Variants in C15orf40 observed in about 807,000 individuals in gnomAD.
C15orf40 encodes the protein UPF0235 protein C15orf40.
C15orf40 carries 9 observed loss-of-function variants against 13.9 expected under a neutral mutation model. The observed-to-expected ratio is 0.65, with a 90% CI of 0.39 to 1.13. The LOEUF (loss-of-function observed/expected upper bound fraction) is 1.13, where lower values mean the gene tolerates loss of function less well. C15orf40 is among the 50% of genes most tolerant of loss of function. The probability of loss-of-function intolerance (pLI) is 0.01; values close to 1 mark genes in which losing one functional copy is unlikely to be tolerated. For missense variants in C15orf40, 225 were observed against 188.5 expected, an observed-to-expected ratio of 1.19 and a Z score of -1.13; for synonymous variants, 95 against 69.2, an observed-to-expected ratio of 1.37 and a Z score of -1.85.
rs536206095 is a variant in C15orf40 at position 83,005,526 on chromosome 15, C to A, written c.*71G>T. 2.0e-5 allele frequency: 27 copies of A among 1,341,350 alleles called. No homozygotes were observed. The highest frequency in any genetic ancestry group is 2.6e-5 in the Non-Finnish European group (26 of 993,844). The allele number at this position is 1,341,350 out of a possible 1,614,324, so 83.1% of individuals were successfully genotyped here. A position where few individuals can be genotyped will look rare whatever the true frequency, so the allele number is the denominator to read the frequency against. On this transcript the variant is annotated 3_prime_UTR_variant, in exon 4 of 4. Transcript: ENST00000304177. ...CTCGAACTCCTGACCTCAGGTGATC[C>A]GCCCACCACGGCCTCCCAAAGTGCT...
chr15:83,008,688 T>G lies in C15orf40; in HGVS notation c.239-13A>C, dbSNP rs769973930. On this transcript the variant is annotated splice_polypyrimidine_tract_variant and intron_variant, in intron 2 of 3. Coordinates refer to ENST00000304177, the MANE Select transcript of C15orf40 (RefSeq NM_144597.3). ...TCTGCTGTCAAATCTGGAATGAAAA[T>G]AGTGTGGACTTTATCCTTAAGGAGT... 6.3e-7 allele frequency: 1 copy of G among 1,591,226 alleles called. No individual in the cohort carries two copies. Among genetic ancestry groups the G allele is most frequent in the Non-Finnish European group, 8.5e-7 (1 of 1,171,388 alleles).
downstream of C15orf40, among the ~76,000 whole-genome samples, chr15:82,989,693 A>G (rs1306759652): frequency 6.6e-6 from 1 of 152,230 alleles, no homozygotes; most frequent in Non-Finnish European, 1.5e-5. Context: ...CTAGTATAAT[A>G]CTGGAAGAAT....
In C15orf40 at chr15:83,003,499, C is replaced by T. The variant is rs553804694; in HGVS notation, c.*2098G>A. 3.2e-4 allele frequency: 48 copies of T among 152,254 alleles called. No individual in the cohort carries two copies. Among genetic ancestry groups the T allele is most frequent in the African/African-American group, 1.2e-3 (48 of 41,538 alleles). The allele number at this position is 152,254 out of a possible 1,614,324, so 9.4% of individuals were successfully genotyped here. A position where few individuals can be genotyped will look rare whatever the true frequency, so the allele number is the denominator to read the frequency against. Reference sequence around the variant, plus strand: ...ATCCATGTAAAATCCACAAGTAAAACGGCTTTACAGCACACATGGCAATGG... The same window carrying T: ...ATCCATGTAAAATCCACAAGTAAAATGGCTTTACAGCACACATGGCAATGG... On this transcript the variant is annotated 3_prime_UTR_variant, in exon 4 of 4. Coordinates refer to ENST00000304177, the MANE Select transcript of C15orf40 (RefSeq NM_144597.3).
chr15:83,006,802 C>T (rs1403193271), intron 3 of C15orf40, among the ~76,000 whole-genome samples: 5 of 152,102 alleles, frequency 3.3e-5, no homozygotes, highest in Admixed American at 3.3e-4. Flanking sequence ...TCAAACACAG[C>T]CTTTAAAGAA....
downstream of C15orf40, chr15:82,991,891 A>C (rs1442151312): frequency 7.8e-7 from 1 of 1,288,902 alleles, no homozygotes; most frequent in South Asian, 1.2e-5. Flanking sequence ...ACTACACCCC[A>C]GAATCTTCTC....
At chr15:83,007,608 T>C (rs143733428) in intron 3 of C15orf40, among the ~76,000 whole-genome samples, 200 of 152,338 alleles carry the variant, frequency 1.3e-3, no homozygotes, top group African/African-American at 4.6e-3. Flanking sequence ...TAATCAAACA[T>C]GGCTGGGCAT....
downstream of C15orf40, among the ~76,000 whole-genome samples, chr15:82,993,650 G>A (rs557493782): frequency 2.0e-5 from 3 of 152,060 alleles, no homozygotes; most frequent in South Asian, 6.2e-4. Flanking sequence ...CCGTCTCTAT[G>A]AAAAATACAA....
rs1298238395 is a variant in C15orf40, at chr15:82,997,183, T to G, written c.*8414A>C. The G allele has an allele frequency of 6.6e-6, 1 of 150,712 alleles. No homozygotes were observed. Among genetic ancestry groups the G allele is most frequent in the East Asian group, 1.9e-4 (1 of 5,198 alleles). 9.3% of individuals were successfully genotyped at this position (150,712 alleles called of 1,614,324 possible). ...GTTTCCAACATGGTCTTTATTTCTA[T>G]TATGCTTTTGTTTTTCATTTTTATT... On this transcript the variant is annotated 3_prime_UTR_variant, in exon 4 of 4. Coordinates refer to ENST00000304177, the MANE Select transcript of C15orf40 (RefSeq NM_144597.3).
downstream of C15orf40, among the ~76,000 whole-genome samples, chr15:82,993,455 T>C (rs1462661120): frequency 6.6e-6 from 1 of 152,226 alleles, no homozygotes; most frequent in African/African-American, 2.4e-5. Flanking sequence ...GAAAGCAAGT[T>C]ATCTCATTCA....
downstream of C15orf40, among the ~76,000 whole-genome samples, chr15:82,992,725 A>T (rs1334719522): frequency 6.6e-6 from 1 of 152,258 alleles, no homozygotes; most frequent in East Asian, 1.9e-4. Context: ...ACAGTATTTA[A>T]ATGTTTTAAC....
rs1016298822 is a variant in C15orf40 at position 82,997,290 on chromosome 15, G to A, written c.*8307C>T. On this transcript the variant is annotated 3_prime_UTR_variant, in exon 4 of 4. Transcript: ENST00000304177. ...TCACAGAGGGGGATTTGGCAGGGAA[G>A]GTCAGCAGATAAACAAGTGAACAAA... 1.4e-5 allele frequency: 2 copies of A among 146,708 alleles called. No homozygotes were observed. The highest frequency in any genetic ancestry group is 5.1e-5 in the African/African-American group (2 of 39,114). The allele number at this position is 146,708 out of a possible 1,614,324, so 9.1% of individuals were successfully genotyped here. A position where few individuals can be genotyped will look rare whatever the true frequency, so the allele number is the denominator to read the frequency against.
chr15:82,992,818 TCTGCATG>T (rs2030917622), downstream of C15orf40, among the ~76,000 whole-genome samples: 1 of 152,232 alleles, frequency 6.6e-6, no homozygotes, highest in South Asian at 2.1e-4. Flanking sequence ...ATGAGTAAAT[TCTGCATG>T]CTGCATGAAT....
chr15:83,008,337 G>A (rs985773769), intron 3 of C15orf40: 13 of 473,872 alleles, frequency 2.7e-5, no homozygotes, highest in African/African-American at 2.2e-4. Context: ...TGACCAACAT[G>A]GTGAAACTCC....
rs529088849 is a variant in C15orf40, at chr15:82,995,131, A to T, written c.*10466T>A. The T allele has an allele frequency of 1.9e-5, 2 of 105,586 alleles. No individual in the cohort carries two copies. The highest frequency in any genetic ancestry group is 4.5e-4 in the South Asian group (2 of 4,418). The allele number at this position is 105,586 out of a possible 1,614,324, so 6.5% of individuals were successfully genotyped here. A position where few individuals can be genotyped will look rare whatever the true frequency, so the allele number is the denominator to read the frequency against. On this transcript the variant is annotated 3_prime_UTR_variant, in exon 4 of 4. Transcript: ENST00000304177. The stretch of plus-strand genomic sequence containing the variant: ...AGCAGATTATCTCCTCTTTTCTAGA[A>T]GTCTGGTTGATTACTGCTGGCACCA...
downstream of C15orf40, chr15:82,989,800 A>G: frequency 1.3e-6 from 2 of 1,509,332 alleles, no homozygotes; most frequent in East Asian, 2.4e-5. Flanking sequence ...AGAATGAGAA[A>G]CCAGAAGCAC....
intron 1 of C15orf40, 178 bp downstream of exon 1, chr15:83,011,319 G>A: frequency 1.6e-6 from 1 of 622,224 alleles, no homozygotes; most frequent in South Asian, 2.8e-5. Context: ...CTACTGAGGC[G>A]GGGCGACGGC....
rs1345803770 is a variant in C15orf40 at position 82,997,745 on chromosome 15, G to C, written c.*7852C>G. On this transcript the variant is annotated 3_prime_UTR_variant, in exon 4 of 4. Coordinates refer to ENST00000304177, the MANE Select transcript of C15orf40 (RefSeq NM_144597.3). Reference sequence around the variant, plus strand: ...CACCTCCCAGACGGGGTGGTGGCCGGGCAGAGGGGCTCCTCACTTCCCAGT... The same window carrying C: ...CACCTCCCAGACGGGGTGGTGGCCGCGCAGAGGGGCTCCTCACTTCCCAGT... 2 of 151,802 alleles carry C rather than the reference G, an allele frequency of 1.3e-5. No individual in the cohort carries two copies. The highest frequency in any genetic ancestry group is 2.8e-5 in the Non-Finnish European group (2 of 70,176). The allele number at this position is 151,802 out of a possible 1,614,324, so 9.4% of individuals were successfully genotyped here.
Position 82,997,330 on chromosome 15 carries a change from C to A in C15orf40, c.*8267G>T, listed in dbSNP as rs1036076976. On this transcript the variant is annotated 3_prime_UTR_variant, in exon 4 of 4. Transcript: ENST00000304177. Reference sequence around the variant, plus strand: ...AAGTGAACAAAGGTCTCTGGTTTTCCTAGGCAGAGGACCCTGCGGCCTTCC... The same window carrying A: ...AAGTGAACAAAGGTCTCTGGTTTTCATAGGCAGAGGACCCTGCGGCCTTCC... 6.8e-6 allele frequency: 1 copy of A among 146,516 alleles called. No individual in the cohort carries two copies. The highest frequency in any genetic ancestry group is 6.8e-5 in the Admixed American group (1 of 14,622). The allele number at this position is 146,516 out of a possible 1,614,324, so 9.1% of individuals were successfully genotyped here. A position where few individuals can be genotyped will look rare whatever the true frequency, so the allele number is the denominator to read the frequency against.
rs1440471340 is a variant in C15orf40 at position 83,003,874 on chromosome 15, A to C, written c.*1723T>G. On this transcript the variant is annotated 3_prime_UTR_variant, in exon 4 of 4. Coordinates refer to ENST00000304177, the MANE Select transcript of C15orf40 (RefSeq NM_144597.3). ...GCAATTCTCCTGCCTCAGCCTCCCG[A>C]GTAGCTGAGATTACAGGCACCCACC... The C allele has an allele frequency of 6.6e-6, 1 of 152,104 alleles. No homozygotes were observed. The highest frequency in any genetic ancestry group is 1.5e-5 in the Non-Finnish European group (1 of 68,082). The allele number at this position is 152,104 out of a possible 1,614,324, so 9.4% of individuals were successfully genotyped here. A position where few individuals can be genotyped will look rare whatever the true frequency, so the allele number is the denominator to read the frequency against.
Sources: gnomAD v4.1 joint callset for allele counts (sites outside exome capture counted in the v4.1 genomes callset) on GRCh38, gnomAD v4.1.1 for gene constraint, MANE v1.5 for transcripts, NCBI Gene and HGNC (gene_info 2026-07-23, HGNC 2026-07-21) for gene names.